FARS2: variants seen among roughly 807,000 people sequenced by gnomAD.
FARS2 encodes the protein phenylalanyl-tRNA synthetase 2, mitochondrial.
FARS2 carries 40 observed loss-of-function variants against 46.4 expected under a neutral mutation model. The ratio of observed to expected loss-of-function variants is 0.86; its 90% CI spans 0.67 to 1.12. The LOEUF is 1.12. FARS2 is among the 50% of genes most tolerant of loss of function. The probability of loss-of-function intolerance (pLI) is 0.00; values close to 1 mark genes in which losing one functional copy is unlikely to be tolerated. For synonymous variants in FARS2, 234 were observed against 214.9 expected (o/e 1.09, Z -0.78); for missense variants, 513 against 567.9 (o/e 0.90, Z 0.98).
chr6:5,288,085 A>C (rs946544610), intron 1 of FARS2, among the ~76,000 whole-genome samples: 1 of 152,104 alleles, frequency 6.6e-6, no homozygotes, highest in Non-Finnish European at 1.5e-5. Flanking sequence ...CACTGCATCC[A>C]ACATGTTTGT....
Position 5,475,260 on chromosome 6 carries a change from T to C in FARS2, c.904+44088T>C, listed in dbSNP as rs1292293034. Among the ~76,000 whole-genome samples, 6 of 152,130 alleles carry C rather than the reference T, an allele frequency of 3.9e-5. No homozygotes were observed. In the East Asian group the frequency reaches 1.2e-3, roughly 29 times the overall value. On this transcript the variant is annotated intron_variant, in intron 4 of 6. Coordinates refer to ENST00000274680, the MANE Select transcript of FARS2 (RefSeq NM_006567.5). The stretch of plus-strand genomic sequence containing the variant: ...TTTCTTGGACAGTTCTCAAAAAGAG[T>C]TGGATATGCAGGCTTGAAGAGAAGT...
intron 4 of FARS2, chr6:5,451,958 A>G (rs995428710): frequency 2.0e-5 from 3 of 152,228 alleles, no homozygotes; most frequent in Non-Finnish European, 2.9e-5. Flanking sequence ...TATCATCACC[A>G]TGTCTTTTAT....
chr6:5,534,665 C>T (rs1408273487), intron 4 of FARS2, among the ~76,000 whole-genome samples: 2 of 152,100 alleles, frequency 1.3e-5, no homozygotes, highest in African/African-American at 4.8e-5. Context: ...CATCTGTTGA[C>T]AGACACTTGA....
At chr6:5,351,464 C>T (rs759964721) in intron 1 of FARS2, among the ~76,000 whole-genome samples, 3 of 152,144 alleles carry the variant, frequency 2.0e-5, no homozygotes, top group Non-Finnish European at 4.4e-5. Flanking sequence ...CTCCAAAACA[C>T]GTATTTGTGA....
intron 5 of FARS2, among the ~76,000 whole-genome samples, chr6:5,599,813 C>T (rs1480352436): frequency 1.3e-5 from 2 of 152,112 alleles, no homozygotes; most frequent in Admixed American, 6.5e-5. Context: ...AGGCCGCCAC[C>T]TCCTCTGCAA....
chr6:5,754,060 A>G (rs1481628548), intron 6 of FARS2, among the ~76,000 whole-genome samples: 1 of 152,278 alleles, frequency 6.6e-6, no homozygotes, highest in Non-Finnish European at 1.5e-5. Context: ...GCAAATTAAC[A>G]AAGCTTGTAA....
chr6:5,702,325 A>G (rs572192667), intron 6 of FARS2, among the ~76,000 whole-genome samples: 1 of 152,320 alleles, frequency 6.6e-6, no homozygotes, highest in East Asian at 1.9e-4. Flanking sequence ...CCTTTAGCAA[A>G]CTATATATGC....
chr6:5,489,697 G>C (rs1293913274), intron 4 of FARS2, among the ~76,000 whole-genome samples: 1 of 152,158 alleles, frequency 6.6e-6, no homozygotes. Context: ...TTAGTCTTCA[G>C]ATAGGCCTAC....
chr6:5,438,276 T>C (rs1434249979), intron 4 of FARS2, among the ~76,000 whole-genome samples: 1 of 120,110 alleles, frequency 8.3e-6, no homozygotes, highest in Non-Finnish European at 1.6e-5. Context: ...TTTTCAGCCA[T>C]GTGATTTTGA....
intron 6 of FARS2, among the ~76,000 whole-genome samples, chr6:5,755,849 A>G (rs568773865): frequency 3.3e-5 from 5 of 152,280 alleles, no homozygotes; most frequent in African/African-American, 1.2e-4. Flanking sequence ...GTAATTTCTC[A>G]GCTTGAGGGT....
At chr6:5,522,271 T>C (rs1769189176) in intron 4 of FARS2, among the ~76,000 whole-genome samples, 1 of 152,170 alleles carries the variant, frequency 6.6e-6, no homozygotes, top group Admixed American at 6.5e-5. Context: ...GGGCTCACAG[T>C]CTGTCTATCT....
chr6:5,636,696 G>T (rs1776561606), intron 6 of FARS2, among the ~76,000 whole-genome samples: 1 of 152,194 alleles, frequency 6.6e-6, no homozygotes, highest in Non-Finnish European at 1.5e-5. Flanking sequence ...GCCTTCGTCT[G>T]CTGGCTTCTG....
intron 6 of FARS2, among the ~76,000 whole-genome samples, chr6:5,629,362 G>A (rs894472241): frequency 2.6e-5 from 4 of 152,176 alleles, no homozygotes; most frequent in Non-Finnish European, 4.4e-5. Context: ...AGAAATGTTT[G>A]CGGATTGTGG....
intron 3 of FARS2, among the ~76,000 whole-genome samples, chr6:5,407,900 T>G (rs75139990): frequency 0.014 from 2,114 of 152,316 alleles, 55 homozygotes; most frequent in African/African-American, 0.048. Flanking sequence ...TCAGGCCATT[T>G]TAGAGGCAGG....
At chr6:5,280,803 T>C (rs1766667168) in intron 1 of FARS2, among the ~76,000 whole-genome samples, 1 of 152,302 alleles carries the variant, frequency 6.6e-6, no homozygotes, top group African/African-American at 2.4e-5. Context: ...AGGTTTACAG[T>C]AAATTATACA....
At chr6:5,406,668 A>G (rs2432773) in intron 3 of FARS2, among the ~76,000 whole-genome samples, 77,152 of 151,662 alleles carry the variant, frequency 0.51, 20,086 homozygotes, top group African/African-American at 0.62. Context: ...CCATACATTC[A>G]TTGATAGGTA....
At chr6:5,686,472 T>G (rs1363375543) in intron 6 of FARS2, among the ~76,000 whole-genome samples, 1 of 152,144 alleles carries the variant, frequency 6.6e-6, no homozygotes, top group Non-Finnish European at 1.5e-5. Context: ...TTGTCCTTGC[T>G]ATAGTTTGCT....
chr6:5,608,387 C>T (rs2150659205), intron 5 of FARS2, among the ~76,000 whole-genome samples: 1 of 152,236 alleles, frequency 6.6e-6, no homozygotes, highest in Non-Finnish European at 1.5e-5. Context: ...ATGGTGGGTA[C>T]CTAGTCATCA....
intron 2 of FARS2, among the ~76,000 whole-genome samples, chr6:5,395,051 ATT>A (rs1760814090): frequency 6.7e-6 from 1 of 150,098 alleles, no homozygotes. Context: ...GACCGTCAAC[ATT>A]GTGCTGATTG....
Sources: allele counts gnomAD v4.1 joint callset (sites outside exome capture counted in the v4.1 genomes callset), GRCh38; gene constraint gnomAD v4.1.1; transcripts MANE v1.5; gene names NCBI Gene and HGNC (gene_info 2026-07-23, HGNC 2026-07-21).